The following TLL1 variants were observed in gnomAD, a reference collection of about 807,000 sequenced individuals.
TLL1 encodes the protein tolloid-like protein 1.
TLL1 carries 49 observed loss-of-function variants against 128.2 expected under a neutral mutation model. That is an observed-to-expected ratio of 0.38 (90% CI 0.30 to 0.48). The LOEUF (loss-of-function observed/expected upper bound fraction) is 0.48, where lower values mean the gene tolerates loss of function less well. Among genes scored for constraint, TLL1 ranks in the 20% least tolerant of loss-of-function variants. TLL1 has a pLI of 0.96. For missense variants in TLL1, 1,123 were observed against 1,242.0 expected, an observed-to-expected ratio of 0.90 and a Z score of 1.44; for synonymous variants, 454 against 418.8, an observed-to-expected ratio of 1.08 and a Z score of -1.03.
chr4:165,897,551 T>C (rs1731737278), intron 1 of TLL1, among the ~76,000 whole-genome samples: 1 of 152,172 alleles, frequency 6.6e-6, no homozygotes. Context: ...TGTGGCATTA[T>C]TTCTGGGGCC....
At chr4:165,997,178 C>T (rs1736923565) in intron 5 of TLL1, among the ~76,000 whole-genome samples, 2 of 152,066 alleles carry the variant, frequency 1.3e-5, no homozygotes, top group Admixed American at 1.3e-4. Flanking sequence ...TAATGCTTCA[C>T]TTAAATCTCA....
At chr4:166,056,801 G>A (rs1740029199) in intron 13 of TLL1, among the ~76,000 whole-genome samples, 1 of 152,100 alleles carries the variant, frequency 6.6e-6, no homozygotes, top group Admixed American at 6.6e-5. Context: ...TAGGTTTCCA[G>A]GCCTTCTGTG....
At chr4:166,038,229 CCTTT>C (rs1198176977) in intron 9 of TLL1, among the ~76,000 whole-genome samples, 7 of 152,120 alleles carry the variant, frequency 4.6e-5, no homozygotes, top group Non-Finnish European at 8.8e-5. Context: ...TCCTTCTCTG[CCTTT>C]CTTTCTTCTT....
At chr4:165,936,510 T>C (rs1298167291) in intron 1 of TLL1, among the ~76,000 whole-genome samples, 4 of 152,100 alleles carry the variant, frequency 2.6e-5, no homozygotes, top group Admixed American at 2.6e-4. Context: ...ACTATTTATA[T>C]TTTTTAATTG....
At chr4:165,998,000 G>A (rs1340684825) in intron 5 of TLL1, among the ~76,000 whole-genome samples, 1 of 152,158 alleles carries the variant, frequency 6.6e-6, no homozygotes, top group Non-Finnish European at 1.5e-5. Context: ...TCTGGTTGTA[G>A]CTGATTAGCA....
intron 1 of TLL1, among the ~76,000 whole-genome samples, chr4:165,952,289 A>G (rs1734562871): frequency 6.6e-6 from 1 of 152,176 alleles, no homozygotes; most frequent in South Asian, 2.1e-4. Context: ...TATTAAAACT[A>G]CAAAATATTA....
chr4:166,056,120 G>C (rs9993891), intron 13 of TLL1, among the ~76,000 whole-genome samples: 1 of 151,876 alleles, frequency 6.6e-6, no homozygotes, highest in Non-Finnish European at 1.5e-5. Context: ...AGATAGAAAA[G>C]CTTGGCACTT....
chr4:166,035,374 A>G (rs1738954123), intron 9 of TLL1, among the ~76,000 whole-genome samples: 1 of 152,198 alleles, frequency 6.6e-6, no homozygotes, highest in Non-Finnish European at 1.5e-5. Flanking sequence ...AATATATACC[A>G]TGAAAATAAT....
At chr4:165,890,479 C>G (rs976838909) in intron 1 of TLL1, among the ~76,000 whole-genome samples, 12 of 152,220 alleles carry the variant, frequency 7.9e-5, no homozygotes. Flanking sequence ...GGTGAGGGCT[C>G]AGGCATTGAG....
chr4:165,948,436 C>T (rs1164519986), intron 1 of TLL1, among the ~76,000 whole-genome samples: 1 of 152,022 alleles, frequency 6.6e-6, no homozygotes, highest in Non-Finnish European at 1.5e-5. Context: ...TTGTCTTAGT[C>T]CACTTTCTGT....
In TLL1 at chr4:165,930,065, TG is replaced by T. The variant is rs368976127; in HGVS notation, c.169+55994del. On this transcript the variant is annotated intron_variant, in intron 1 of 20. Transcript: ENST00000061240. Reference sequence around the variant, plus strand: ...ATATCCCAGAAAGAGCAGACTTGGCTGGAGTTGAATCAGTACAGCTTTACTG... The same window carrying T: ...ATATCCCAGAAAGAGCAGACTTGGCTGAGTTGAATCAGTACAGCTTTACTG... 2.0e-4 allele frequency among the ~76,000 whole-genome samples: 31 copies of T among 152,294 alleles called. 1 individual carries two copies. The East Asian group carries it at 5.8e-3, about 28-fold the overall frequency.
chr4:166,036,054 C>A (rs560050155), intron 9 of TLL1, among the ~76,000 whole-genome samples: 32 of 152,252 alleles, frequency 2.1e-4, no homozygotes, highest in African/African-American at 7.5e-4. Flanking sequence ...TTTGTACATT[C>A]TGTATCTTCA....
intron 9 of TLL1, among the ~76,000 whole-genome samples, chr4:166,036,617 C>A (rs1026803725): frequency 6.6e-6 from 1 of 152,052 alleles, no homozygotes; most frequent in Admixed American, 6.6e-5. Flanking sequence ...ATAATCAGAG[C>A]CCTATGATTT....
chr4:165,880,162 T>C (rs1281255302), intron 1 of TLL1, among the ~76,000 whole-genome samples: 1 of 152,228 alleles, frequency 6.6e-6, no homozygotes, highest in Non-Finnish European at 1.5e-5. Context: ...GCTTATTTAT[T>C]TCATTCTTGT....
intron 14 of TLL1, 125 bp from the exon 15 acceptor site, chr4:166,059,903 A>T (rs879258684): frequency 1.1e-4 from 125 of 1,188,838 alleles, no homozygotes; most frequent in Non-Finnish European, 1.5e-4. Context: ...CCATTTCTGG[A>T]TTTTAAAATC....
intron 1 of TLL1, among the ~76,000 whole-genome samples, chr4:165,913,608 C>T (rs1281392545): frequency 6.6e-6 from 1 of 152,108 alleles, no homozygotes; most frequent in East Asian, 1.9e-4. Context: ...TGCTGTTATA[C>T]AATTTAACAG....
At chr4:166,097,844 A>AT (rs771193666) in intron 19 of TLL1, among the ~76,000 whole-genome samples, 72 of 152,004 alleles carry the variant, frequency 4.7e-4, no homozygotes, top group Non-Finnish European at 9.0e-4. Context: ...GATATTCCTC[A>AT]TTTTAGCAGT....
chr4:165,982,675 A>T (rs1736202127), intron 1 of TLL1, among the ~76,000 whole-genome samples: 1 of 151,464 alleles, frequency 6.6e-6, no homozygotes, highest in Admixed American at 6.6e-5. Context: ...GTGGGAAAAA[A>T]GATTCTTGTG....
chr4:166,014,479 G>A lies in TLL1; in HGVS notation c.961G>A (p.Gly321Ser). 2.5e-6 allele frequency: 4 copies of A among 1,612,346 alleles called. No homozygotes were observed. The highest frequency in any genetic ancestry group is 3.4e-6 in the Non-Finnish European group (4 of 1,178,782). ...CATTCTCCCCTCCCGTGATGATAAT[G>A]GCATACGTCCTGCAATTGGTCAGCG... is the stretch of plus-strand genomic sequence containing the variant. Reference protein sequence around the residue: ...DTILPSRDDNGIRPAIGQRTR... With the variant: ...DTILPSRDDNSIRPAIGQRTR... The change falls in exon 8 of 21, where the codon GGC becomes AGC. Residue 321 changes from glycine to serine, a missense_variant. By Grantham distance (56) the Gly-to-Ser change is moderately conservative. Around this residue, in one of 3 missense-constraint regions of TLL1, gnomAD observed 480 missense variants for 542.4 expected, o/e 0.89. Transcript: ENST00000061240.
Sources: gnomAD v4.1 joint callset for allele counts (sites outside exome capture counted in the v4.1 genomes callset) on GRCh38, gnomAD v4.1.1 for gene constraint, gnomAD v4.1.1 regional missense constraint, MANE v1.5 for transcripts, NCBI Gene and HGNC (gene_info 2026-07-23, HGNC 2026-07-21) for gene names.